RIMBP2: variants seen among roughly 807,000 people sequenced by gnomAD.
RIMBP2 encodes the protein RIMS binding protein 2, also known as RIMS-binding protein 2.
A neutral mutation model predicts 118.6 loss-of-function variants in RIMBP2; 48 were observed. The ratio of observed to expected loss-of-function variants is 0.40; its 90% confidence interval spans 0.32 to 0.51. The LOEUF (loss-of-function observed/expected upper bound fraction) is 0.51, where lower values mean the gene tolerates loss of function less well. Among genes scored for constraint, RIMBP2 ranks in the 20% least tolerant of loss-of-function variants. The pLI is 0.41. For synonymous variants in RIMBP2, 762 were observed against 742.9 expected, an observed-to-expected ratio of 1.03 and a Z score of -0.42; for missense variants, 1,551 against 1,768.3, an observed-to-expected ratio of 0.88 and a Z score of 2.20.
rs985719820 is a variant in RIMBP2 at position 130,446,727 on chromosome 12, T to C, written c.582-1458A>G. On this transcript the variant is annotated intron_variant, in intron 9 of 22. Transcript: ENST00000690449. This position sits in a 1 kb window ranked among gnomAD's most constrained non-coding sequence, Gnocchi z 4.1. ...AGGTTGGCAGGGACCAGACTGGTTT[T>C]AACCTGATCTCACAAGCTGTGGGAT... Among the ~76,000 whole-genome samples the C allele has an allele frequency of 7.2e-5, 11 of 152,224 alleles. No homozygotes were observed. Among genetic ancestry groups the C allele is most frequent in the African/African-American group, 2.7e-4 (11 of 41,458 alleles).
At chr12:130,630,967 A>G (rs1350220593) in intron 1 of RIMBP2, among the ~76,000 whole-genome samples, 1 of 152,122 alleles carries the variant, frequency 6.6e-6, no homozygotes, top group African/African-American at 2.4e-5. Context: ...AAAAAAAAAG[A>G]TAAAAGGGAA....
In RIMBP2 at chr12:130,397,126, C is replaced by T. The variant is rs890704224; in HGVS notation, c.*235G>A. On this transcript the variant is annotated 3_prime_UTR_variant, in exon 23 of 23. Coordinates refer to ENST00000690449, the MANE Select transcript of RIMBP2 (RefSeq NM_001393629.1). ...CGTTTGTTAATAAGACGTCCCCTCC[C>T]ACCTCCCAAATCAGAGCTTGGACAA... 3.2e-6 allele frequency: 1 copy of T among 314,644 alleles called. No individual in the cohort carries two copies. The allele number at this position is 314,644 out of a possible 1,614,324, so 19.5% of individuals were successfully genotyped here.
chr12:130,448,897 G>C (rs2137312785), intron 9 of RIMBP2, among the ~76,000 whole-genome samples: 1 of 152,398 alleles, frequency 6.6e-6, no homozygotes, highest in South Asian at 2.1e-4. Flanking sequence ...GTGATCCGCT[G>C]ATCCTCTTAA....
chr12:130,437,022 C>T lies in RIMBP2; in HGVS notation c.1926G>A (p.Trp642Ter). The change falls in exon 13 of 23, where the codon TGG (tryptophan) becomes TGA (stop). Residue 642 changes from tryptophan to a stop codon, truncating the protein, a stop_gained. Transcript: ENST00000690449. LOFTEE classifies it high-confidence loss of function. ...LGPHARMDEA[W>*]EQSRAPGPVH... ...CAGGGCCAGGTGCACGGCTCTGCTC[C>T]CAGGCCTCATCCATCCTGGCGTGGG... The T allele has an allele frequency of 6.3e-7, 1 of 1,590,660 alleles. No individual in the cohort carries two copies. Among genetic ancestry groups the T allele is most frequent in the Non-Finnish European group, 8.6e-7 (1 of 1,166,604 alleles).
intron 21 of RIMBP2, among the ~76,000 whole-genome samples, chr12:130,403,008 C>T (rs2074789572): frequency 6.6e-6 from 1 of 152,180 alleles, no homozygotes; most frequent in African/African-American, 2.4e-5. Context: ...GGGAGGACAG[C>T]AGGAGTCCCT....
At chr12:130,490,126 A>T (rs1302780174) in intron 4 of RIMBP2, among the ~76,000 whole-genome samples, 57 of 80,654 alleles carry the variant, frequency 7.1e-4, no homozygotes, top group Non-Finnish European at 1.5e-3. Flanking sequence ...TCTGTCTCAA[A>T]AAAAAAAAAA....
In RIMBP2 at chr12:130,539,898, C is replaced by A. The variant is rs12811319; in HGVS notation, c.-216-21981G>T. Among the ~76,000 whole-genome samples, 79 of 107,358 alleles carry A rather than the reference C, an allele frequency of 7.4e-4. 1 individual carries two copies. Among genetic ancestry groups the A allele is most frequent in the South Asian group, 1.1e-3 (3 of 2,730 alleles). 70.4% of individuals were successfully genotyped at this position (107,358 alleles called of 152,430 possible). ...AGTAGATGAGGTGGCGAGGTGTAGG[C>A]TATGGCAAATGCAGTAGATGAGGTG... On this transcript the variant is annotated intron_variant, in intron 2 of 22. Transcript: ENST00000690449.
At chr12:130,708,104 G>A (rs1215110958) in intron 1 of RIMBP2, among the ~76,000 whole-genome samples, 1 of 152,186 alleles carries the variant, frequency 6.6e-6, no homozygotes, top group Admixed American at 6.5e-5. Flanking sequence ...TGAACCTTGA[G>A]GATGCTGTGC....
chr12:130,463,622 T>C (rs897932067), intron 6 of RIMBP2, among the ~76,000 whole-genome samples: 3 of 151,974 alleles, frequency 2.0e-5, no homozygotes, highest in Non-Finnish European at 4.4e-5. Context: ...AGGGGCCAGA[T>C]GCATAATCAC....
chr12:130,444,612 G>C (rs1465765945), intron 10 of RIMBP2, among the ~76,000 whole-genome samples: 2 of 152,352 alleles, frequency 1.3e-5, no homozygotes, highest in African/African-American at 4.8e-5. Context: ...AAAAGGTGGG[G>C]CCTTTCAGAT....
chr12:130,707,091 C>A (rs1478490100), intron 1 of RIMBP2, among the ~76,000 whole-genome samples: 4 of 152,174 alleles, frequency 2.6e-5, no homozygotes, highest in Admixed American at 1.3e-4. Flanking sequence ...AGGGCCCGGG[C>A]GTGAGAGCTG....
Position 130,456,481 on chromosome 12 carries a change from G to A in RIMBP2, c.358+15C>T. 6.5e-7 allele frequency: 1 copy of A among 1,550,070 alleles called. No homozygotes were observed. The highest frequency in any genetic ancestry group is 1.2e-5 in the South Asian group (1 of 82,410). On this transcript the variant is annotated intron_variant, in intron 7 of 22. Transcript: ENST00000690449. The stretch of plus-strand genomic sequence containing the variant: ...TCTCCCCACCACAGCCAAGGCGGAA[G>A]GTCCAGGCGCTTACCTTTGCCGAGG...
intron 1 of RIMBP2, among the ~76,000 whole-genome samples, chr12:130,664,465 A>ACACGCACG (rs1555320963): frequency 8.2e-6 from 1 of 122,634 alleles, no homozygotes. Context: ...ATGCACGCAC[A>ACACGCACG]CACACGCACG....
intron 1 of RIMBP2, among the ~76,000 whole-genome samples, chr12:130,634,307 G>C (rs1404967337): frequency 6.6e-6 from 1 of 152,168 alleles, no homozygotes; most frequent in Non-Finnish European, 1.5e-5. Flanking sequence ...CAGAAGTGTT[G>C]GGAAGGAATC....
chr12:130,612,327 T>A (rs956897489), intron 2 of RIMBP2, among the ~76,000 whole-genome samples: 1 of 152,120 alleles, frequency 6.6e-6, no homozygotes, highest in Non-Finnish European at 1.5e-5. Flanking sequence ...GCTTTTGGCT[T>A]TTTCATAAAG....
intron 5 of RIMBP2, among the ~76,000 whole-genome samples, chr12:130,477,477 G>A (rs1438163141): frequency 6.6e-6 from 1 of 152,168 alleles, no homozygotes; most frequent in Non-Finnish European, 1.5e-5. Flanking sequence ...GAGAACATAA[G>A]AGTAATATTC....
intron 2 of RIMBP2, among the ~76,000 whole-genome samples, chr12:130,567,787 C>G (rs998987583): frequency 6.6e-6 from 1 of 152,216 alleles, no homozygotes; most frequent in Non-Finnish European, 1.5e-5. Flanking sequence ...TCCAGCCTTG[C>G]AGGGGGAGCC....
At chr12:130,613,074 G>A (rs731868) in intron 2 of RIMBP2, among the ~76,000 whole-genome samples, 28,444 of 152,138 alleles carry the variant, frequency 0.19, 2,812 homozygotes, top group African/African-American at 0.23. Context: ...CTCCCTGGCC[G>A]GCAAGGATGA....
At chr12:130,585,058 T>C (rs1246078557) in intron 2 of RIMBP2, among the ~76,000 whole-genome samples, 1 of 152,130 alleles carries the variant, frequency 6.6e-6, no homozygotes, top group Admixed American at 6.6e-5. Flanking sequence ...AAATTTTTTT[T>C]TAAATTGTCT....
Sources: allele counts gnomAD v4.1 joint callset (sites outside exome capture counted in the v4.1 genomes callset), GRCh38; gene constraint gnomAD v4.1.1; non-coding constraint Gnocchi (gnomAD v3.1); transcripts MANE v1.5; gene names NCBI Gene and HGNC (gene_info 2026-07-23, HGNC 2026-07-21).